KCTD8: variants seen among roughly 807,000 people sequenced by gnomAD.
KCTD8 encodes the protein potassium channel tetramerization domain containing 8, also known as BTB/POZ domain-containing protein KCTD8.
Under a neutral mutation model 31.5 loss-of-function variants are expected in KCTD8, and 27 were observed. The observed-to-expected ratio is 0.86, with a 90% CI of 0.63 to 1.18. The LOEUF (loss-of-function observed/expected upper bound fraction) is 1.18. Ranked by LOEUF, KCTD8 falls within the 50% of genes most tolerant of loss-of-function variation. The pLI, the probability that KCTD8 is intolerant of heterozygous loss-of-function variation, is 0.00. For synonymous variants in KCTD8, 290 were observed against 280.0 expected (o/e 1.04, Z -0.36); for missense variants, 658 against 647.7 (o/e 1.02, Z -0.17).
At chr4:44,342,167 C>G (rs149534923) in intron 1 of KCTD8, among the ~76,000 whole-genome samples, 1 of 151,980 alleles carries the variant, frequency 6.6e-6, no homozygotes, top group African/African-American at 2.4e-5. Flanking sequence ...ATCAGGAGAT[C>G]GAGACCATCC....
chr4:44,362,289 A>G (rs537817538), intron 1 of KCTD8, among the ~76,000 whole-genome samples: 1 of 152,308 alleles, frequency 6.6e-6, no homozygotes, highest in Admixed American at 6.5e-5. Flanking sequence ...TTTCTTAAGC[A>G]GATGAGAAGC....
At chr4:44,213,883 G>A (rs1714566024) in intron 1 of KCTD8, among the ~76,000 whole-genome samples, 1 of 152,060 alleles carries the variant, frequency 6.6e-6, no homozygotes, top group Non-Finnish European at 1.5e-5. Flanking sequence ...ACAGGCACAG[G>A]AGTAGCTCTG....
chr4:44,357,690 T>C (rs1283653696), intron 1 of KCTD8, among the ~76,000 whole-genome samples: 1 of 152,116 alleles, frequency 6.6e-6, no homozygotes, highest in Non-Finnish European at 1.5e-5. Flanking sequence ...CTACATATAA[T>C]GGTCATCATT....
intron 1 of KCTD8, among the ~76,000 whole-genome samples, chr4:44,372,395 C>T (rs1719811266): frequency 6.6e-6 from 1 of 152,106 alleles, no homozygotes; most frequent in Non-Finnish European, 1.5e-5. Context: ...AATGCTAAAG[C>T]TACACTGAGG....
At chr4:44,185,091 A>G (rs1713539651) in intron 1 of KCTD8, among the ~76,000 whole-genome samples, 1 of 152,262 alleles carries the variant, frequency 6.6e-6, no homozygotes, top group Non-Finnish European at 1.5e-5. Context: ...ATATTAGAAG[A>G]GGTTTCCAAA....
At chr4:44,251,289 G>T (rs1046633754) in intron 1 of KCTD8, among the ~76,000 whole-genome samples, 4 of 151,530 alleles carry the variant, frequency 2.6e-5, no homozygotes, top group African/African-American at 9.7e-5. Context: ...TAAAAATTCA[G>T]GACTTGTCTA....
At chr4:44,188,479 C>T (rs757396401) in intron 1 of KCTD8, among the ~76,000 whole-genome samples, 6 of 152,142 alleles carry the variant, frequency 3.9e-5, no homozygotes, top group Non-Finnish European at 8.8e-5. Context: ...ACGGCACCTC[C>T]GTCCTAGGGT....
At chr4:44,333,881 G>A (rs1392858141) in intron 1 of KCTD8, among the ~76,000 whole-genome samples, 2 of 151,960 alleles carry the variant, frequency 1.3e-5, no homozygotes, top group African/African-American at 2.4e-5. Context: ...AAAAAAAGTC[G>A]ATCATTTAAT....
At chr4:44,281,594 G>A (rs1577591624) in intron 1 of KCTD8, among the ~76,000 whole-genome samples, 2 of 152,176 alleles carry the variant, frequency 1.3e-5, no homozygotes, top group South Asian at 2.1e-4. Context: ...TTGTACTTGT[G>A]GTGATTTACT....
chr4:44,244,839 T>C (rs1185282562), intron 1 of KCTD8, among the ~76,000 whole-genome samples: 2 of 92,254 alleles, frequency 2.2e-5, no homozygotes, highest in African/African-American at 4.2e-5. Context: ...TAATTTTCCC[T>C]GTAGTTGTGG....
At chr4:44,182,728 A>G (rs1357431142) in intron 1 of KCTD8, among the ~76,000 whole-genome samples, 2 of 152,018 alleles carry the variant, frequency 1.3e-5, no homozygotes, top group African/African-American at 2.4e-5. Context: ...TCCCTCCACT[A>G]TTGTCCTATG....
chr4:44,447,800 C>G lies in KCTD8; in HGVS notation c.724G>C (p.Ala242Pro). ...TCCCCGAAGACCTCCTTGGCCAGCG[C>G]GATGCGCCCGCACACCATGATGCGC... ...VARIMVCGRI[A>P]LAKEVFGDTL... Residue 242 changes from alanine to proline, a missense_variant, in exon 1 of 2, where the codon GCG (alanine) becomes CCG (proline). Physicochemically the swap from Ala to Pro is conservative, Grantham distance 27 (BLOSUM62 -1). Transcript: ENST00000360029. The G allele has an allele frequency of 6.2e-7, 1 of 1,605,858 alleles. No homozygotes were observed. The highest frequency in any genetic ancestry group is 8.5e-7 in the Non-Finnish European group (1 of 1,175,354).
At chr4:44,261,274 A>G (rs1172387758) in intron 1 of KCTD8, among the ~76,000 whole-genome samples, 1 of 151,944 alleles carries the variant, frequency 6.6e-6, no homozygotes, top group Admixed American at 6.6e-5. Context: ...TTAAGTGTTA[A>G]ATTCCTGTGA....
At chr4:44,277,101 TTAAC>T (rs1286233637) in intron 1 of KCTD8, among the ~76,000 whole-genome samples, 5 of 151,864 alleles carry the variant, frequency 3.3e-5, no homozygotes, top group Admixed American at 6.6e-5. Context: ...CTGGAAAATA[TTAAC>T]TAACTGATAA....
chr4:44,345,536 A>G (rs1392139169), intron 1 of KCTD8, among the ~76,000 whole-genome samples: 1 of 152,138 alleles, frequency 6.6e-6, no homozygotes, highest in East Asian at 1.9e-4. Context: ...ATTTACATAC[A>G]CCTAATTTAT....
At chr4:44,384,211 T>A (rs1439445893) in intron 1 of KCTD8, among the ~76,000 whole-genome samples, 4 of 151,902 alleles carry the variant, frequency 2.6e-5, no homozygotes, top group Non-Finnish European at 4.4e-5. Flanking sequence ...TATACATTGT[T>A]GGTGGGAATG....
intron 1 of KCTD8, among the ~76,000 whole-genome samples, chr4:44,291,628 C>G (rs1251453668): frequency 6.6e-5 from 10 of 151,944 alleles, no homozygotes; most frequent in Non-Finnish European, 1.0e-4. Context: ...CAAGTAATAC[C>G]TAATTAAATG....
intron 1 of KCTD8, among the ~76,000 whole-genome samples, chr4:44,352,282 T>C (rs1719223393): frequency 6.6e-6 from 1 of 152,024 alleles, no homozygotes; most frequent in Non-Finnish European, 1.5e-5. Flanking sequence ...CCTGTGGCTA[T>C]GTGATATATG....
At chr4:44,414,144 GC>G (rs1176467791) in intron 1 of KCTD8, among the ~76,000 whole-genome samples, 7 of 151,906 alleles carry the variant, frequency 4.6e-5, no homozygotes, top group Admixed American at 4.6e-4. Flanking sequence ...TAAATTTGTG[GC>G]AATTTGTTTA....
Sources: allele counts gnomAD v4.1 joint callset (sites outside exome capture counted in the v4.1 genomes callset), GRCh38; gene constraint gnomAD v4.1.1; transcripts MANE v1.5; gene names NCBI Gene and HGNC (gene_info 2026-07-23, HGNC 2026-07-21).